The following NKX3-2 variants were observed in gnomAD, a reference collection of about 807,000 sequenced individuals.
NKX3-2 encodes homeobox protein Nkx-3.2.
NKX3-2 carries 13 observed loss-of-function variants against 19.4 expected under a neutral mutation model. The ratio of observed to expected loss-of-function variants is 0.67; its 90% CI spans 0.44 to 1.07. The LOEUF is 1.07. Ranked by LOEUF, NKX3-2 falls within the 50% of genes least tolerant of loss-of-function variation. The pLI is 0.00. For synonymous variants in NKX3-2, 269 were observed against 230.5 expected, an observed-to-expected ratio of 1.17 and a Z score of -1.51; for missense variants, 562 against 488.2, an observed-to-expected ratio of 1.15 and a Z score of -1.42.
At position 13,542,934 on chromosome 4, in the gene NKX3-2, A is replaced by G. The variant is rs1032499803; in HGVS notation, c.467-406T>C. 3.3e-5 allele frequency among the ~76,000 whole-genome samples: 5 copies of G among 151,732 alleles called. No homozygotes were observed. Among genetic ancestry groups the G allele is most frequent in the African/African-American group, 1.2e-4 (5 of 41,346 alleles). On this transcript the variant is annotated intron_variant, in intron 1 of 1. Transcript: ENST00000382438. The surrounding 1 kb of genome is among the most constrained non-coding windows in gnomAD (Gnocchi z 6.4). ...TGCTTGGGTTCACGCGCCTCTCCAC[A>G]CTTAGTTCACACGCACACACGCGCG...
In NKX3-2 at chr4:13,544,138, A is replaced by T. The variant is rs751869344; in HGVS notation, c.277T>A (p.Ser93Thr). The change falls in exon 1 of 2, where the codon TCG becomes ACG. Residue 93 changes from serine to threonine, a missense_variant. Physicochemically the swap from Ser to Thr is moderately conservative, Grantham distance 58. Transcript: ENST00000382438. ...RTAESPEGWDSDSALSEENES... is the reference protein window; with the variant it reads ...RTAESPEGWDTDSALSEENES... ...TTCTCCTCGCTGAGCGCGGAGTCCG[A>T]GTCCCAGCCTTCCGGGCTCTCCGCA... is the stretch of plus-strand genomic sequence containing the variant. 1.2e-6 allele frequency: 2 copies of T among 1,605,528 alleles called. No individual in the cohort carries two copies. Among genetic ancestry groups the T allele is most frequent in the Non-Finnish European group, 1.7e-6 (2 of 1,178,464 alleles).
chr4:13,541,818 G>T lies in NKX3-2; in HGVS notation c.*175C>A. The T allele has an allele frequency of 9.8e-7, 1 of 1,017,732 alleles. No individual in the cohort carries two copies. Among genetic ancestry groups the T allele is most frequent in the Non-Finnish European group, 1.4e-6 (1 of 710,452 alleles). 63.0% of individuals were successfully genotyped at this position (1,017,732 alleles called of 1,614,324 possible). A position where few individuals can be genotyped will look rare whatever the true frequency, so the allele number is the denominator to read the frequency against. On this transcript the variant is annotated 3_prime_UTR_variant, in exon 2 of 2. Coordinates refer to ENST00000382438, the MANE Select transcript of NKX3-2 (RefSeq NM_001189.4). The stretch of plus-strand genomic sequence containing the variant: ...CAAATTAGAAAAAGGCGCCCCCTCA[G>T]GGCAGACTCAGCCCAGCTGCCAGGG...
chr4:13,541,781 G>A lies in NKX3-2; in HGVS notation c.*212C>T, dbSNP rs1717990102. The A allele has an allele frequency of 1.6e-6, 1 of 629,692 alleles. No homozygotes were observed. Among genetic ancestry groups the A allele is most frequent in the African/African-American group, 1.8e-5 (1 of 54,250 alleles). The allele number at this position is 629,692 out of a possible 1,614,324, so 39.0% of individuals were successfully genotyped here. ...GGCGATCAGGGCCCCTAGGCCATAG[G>A]GTGCCTCTGTTCAAATTAGAAAAAG... On this transcript the variant is annotated 3_prime_UTR_variant, in exon 2 of 2. Coordinates refer to ENST00000382438, the MANE Select transcript of NKX3-2 (RefSeq NM_001189.4).
chr4:13,543,818 G>A lies in NKX3-2; in HGVS notation c.466+131C>T. 1 of 842,788 alleles carries A rather than the reference G, an allele frequency of 1.2e-6. No individual in the cohort carries two copies. 52.2% of individuals were successfully genotyped at this position (842,788 alleles called of 1,614,324 possible). ...ATAGAGCAGCTCGCGCCAGAGCGCA[G>A]AACTTCGGGATTTGGCCAGCCTCCG... On this transcript the variant is annotated intron_variant, in intron 1 of 1. Coordinates refer to ENST00000382438, the MANE Select transcript of NKX3-2 (RefSeq NM_001189.4). This position sits in a 1 kb window ranked among gnomAD's most constrained non-coding sequence, Gnocchi z 7.1.
At chr4:13,547,711 C>CGCGGGCG (rs1285659594), upstream of NKX3-2, 1 of 153,546 alleles carries the variant, frequency 6.5e-6, no homozygotes, top group Non-Finnish European at 1.4e-5. Context: ...GTGAGACTTC[C>CGCGGGCG]GCGGGCGGCG....
upstream of NKX3-2, chr4:13,547,299 G>A (rs1418623917): frequency 4.4e-6 from 2 of 451,768 alleles, no homozygotes; most frequent in Non-Finnish European, 4.5e-6. Context: ...GGCGTGCCTG[G>A]GTCCCGCTTC....
upstream of NKX3-2, chr4:13,544,582 T>A: frequency 2.7e-6 from 1 of 364,392 alleles, no homozygotes; most frequent in Non-Finnish European, 4.7e-6. Context: ...CGTCCCAGGA[T>A]CAGCGCCGAC....
At position 13,543,058 on chromosome 4, in the gene NKX3-2, G is replaced by C. The variant is rs918587208; in HGVS notation, c.467-530C>G. ...GAATCTTTCACCCTCAGCCGCCTGG[G>C]ATTGCTGTGAGAGACATGGAAACAG... On this transcript the variant is annotated intron_variant, in intron 1 of 1. Transcript: ENST00000382438. This position sits in a 1 kb window ranked among gnomAD's most constrained non-coding sequence, Gnocchi z 7.1. Among the ~76,000 whole-genome samples the C allele has an allele frequency of 6.6e-6, 1 of 152,090 alleles. No individual in the cohort carries two copies. Among genetic ancestry groups the C allele is most frequent in the Non-Finnish European group, 1.5e-5 (1 of 68,030 alleles).
Position 13,544,120 on chromosome 4 carries a change from C to T in NKX3-2, c.295G>A (p.Glu99Lys), listed in dbSNP as rs1718061894. The change falls in exon 1 of 2, where the codon GAG becomes AAG. Residue 99 changes from glutamate to lysine, a missense_variant. Glu to Lys is a moderately conservative substitution (Grantham distance 56). Coordinates refer to ENST00000382438, the MANE Select transcript of NKX3-2 (RefSeq NM_001189.4). ...CAGCGCCGCCTGCTCTCGTTCTCCT[C>T]GCTGAGCGCGGAGTCCGAGTCCCAG... ...EGWDSDSALS[E>K]ENESRRRCAD... is the part of the protein sequence containing the mutation. The T allele has an allele frequency of 1.2e-6, 2 of 1,602,362 alleles. No individual in the cohort carries two copies. The highest frequency in any genetic ancestry group is 1.7e-6 in the Non-Finnish European group (2 of 1,176,862).
chr4:13,542,348 G>T lies in NKX3-2; in HGVS notation c.647C>A (p.Ala216Glu). 1 of 1,550,044 alleles carries T rather than the reference G, an allele frequency of 6.5e-7. No individual in the cohort carries two copies. Among genetic ancestry groups the T allele is most frequent in the East Asian group, 2.4e-5 (1 of 41,992 alleles). The part of the protein sequence containing the change: ...KKRSRAAFSH[A>E]QVFELERRFN... ...GCGGCGCTCCAGCTCGAAGACCTGC[G>T]CGTGGGAGAAAGCGGCCCGCGAGCG... The change falls in exon 2 of 2, where the codon GCG (alanine) becomes GAG (glutamate). Residue 216 changes from alanine (A) to glutamate (E), a missense_variant. Physicochemically the swap from Ala to Glu is moderately radical, Grantham distance 107 (BLOSUM62 -1). Coordinates refer to ENST00000382438, the MANE Select transcript of NKX3-2 (RefSeq NM_001189.4). This position sits in a 1 kb window ranked among gnomAD's most constrained non-coding sequence, Gnocchi z 6.4.
At chr4:13,547,496 GCCGCGCCCCCT>G (rs1423007597), upstream of NKX3-2, 1 of 237,432 alleles carries the variant, frequency 4.2e-6, no homozygotes, top group South Asian at 4.7e-5. Context: ...TCTCTACCCC[GCCGCGCCCCCT>G]CCGCGCCCAC....
Position 13,541,593 on chromosome 4 carries a change from A to G in NKX3-2, c.*400T>C, listed in dbSNP as rs997735015. On this transcript the variant is annotated 3_prime_UTR_variant, in exon 2 of 2. Transcript: ENST00000382438. ...ACCATGAACTAGTGTGGCCTAGTGC[A>G]GAAAGCTCCCAGCAGGCCTGAAATT... The G allele has an allele frequency of 2.5e-5, 5 of 200,330 alleles. No individual in the cohort carries two copies. The highest frequency in any genetic ancestry group is 1.7e-4 in the Admixed American group (3 of 18,114). 12.4% of individuals were successfully genotyped at this position (200,330 alleles called of 1,614,324 possible).
At chr4:13,546,943 G>C (rs1406939374), upstream of NKX3-2, 1 of 456,170 alleles carries the variant, frequency 2.2e-6, no homozygotes, top group Non-Finnish European at 4.4e-6. Context: ...TGAGAAAGGG[G>C]CTACGTTCCG....
chr4:13,544,602 C>G (rs1486710774), upstream of NKX3-2: 1 of 338,772 alleles, frequency 3.0e-6, no homozygotes, highest in Middle Eastern at 8.3e-4. Context: ...CCCTCGCCCC[C>G]ACCTTAGAGG....
chr4:13,546,658 A>C (rs1424579091), upstream of NKX3-2: 55 of 350,182 alleles, frequency 1.6e-4, no homozygotes, highest in South Asian at 1.2e-3. Context: ...CTGACAAATA[A>C]TGGAGTGAGA....
At chr4:13,545,911 AG>A (rs1718123004), upstream of NKX3-2, among the ~76,000 whole-genome samples, 1 of 152,256 alleles carries the variant, frequency 6.6e-6, no homozygotes, top group South Asian at 2.1e-4. Context: ...ATTATGTAAT[AG>A]TAGGAACCAA....
In NKX3-2 at chr4:13,544,481, A is replaced by G. The variant is rs1398490455; in HGVS notation, c.-67T>C. 4.2e-6 allele frequency: 5 copies of G among 1,199,248 alleles called. No homozygotes were observed. Among genetic ancestry groups the G allele is most frequent in the Non-Finnish European group, 5.3e-6 (5 of 943,232 alleles). 74.3% of individuals were successfully genotyped at this position (1,199,248 alleles called of 1,614,324 possible). A position where few individuals can be genotyped will look rare whatever the true frequency, so the allele number is the denominator to read the frequency against. On this transcript the variant is annotated 5_prime_UTR_variant, in exon 1 of 2. Transcript: ENST00000382438. ...GGCGCCGAGCAGCTCCGAGCGGGAC[A>G]GAGAGCGCCGGCGGCCGCAGCGCGA... is the stretch of plus-strand genomic sequence containing the variant.
chr4:13,543,802 C>G lies in NKX3-2; in HGVS notation c.466+147G>C, dbSNP rs1577284675. 1.4e-6 allele frequency: 1 copy of G among 730,900 alleles called. No individual in the cohort carries two copies. Among genetic ancestry groups the G allele is most frequent in the Non-Finnish European group, 2.1e-6 (1 of 472,898 alleles). The allele number at this position is 730,900 out of a possible 1,614,324, so 45.3% of individuals were successfully genotyped here. Reference sequence around the variant, plus strand: ...CTCAGTTCCCGAAGTGATAGAGCAGCTCGCGCCAGAGCGCAGAACTTCGGG... The same window carrying G: ...CTCAGTTCCCGAAGTGATAGAGCAGGTCGCGCCAGAGCGCAGAACTTCGGG... On this transcript the variant is annotated intron_variant, in intron 1 of 1. Coordinates refer to ENST00000382438, the MANE Select transcript of NKX3-2 (RefSeq NM_001189.4). The surrounding 1 kb of genome is among the most constrained non-coding windows in gnomAD (Gnocchi z 7.1).
Position 13,541,906 on chromosome 4 carries a change from C to G in NKX3-2, c.*87G>C, listed in dbSNP as rs1295096316. 1 of 1,515,140 alleles carries G rather than the reference C, an allele frequency of 6.6e-7. No homozygotes were observed. Among genetic ancestry groups the G allele is most frequent in the Non-Finnish European group, 8.9e-7 (1 of 1,126,848 alleles). 93.9% of individuals were successfully genotyped at this position (1,515,140 alleles called of 1,614,324 possible). ...ACCTCCAGGTGCCTCCTTGGCGGGGCGCCCCGTGCAGGCTACAGCCTACAG... is the reference window on the plus strand; with the variant it reads ...ACCTCCAGGTGCCTCCTTGGCGGGGGGCCCCGTGCAGGCTACAGCCTACAG... On this transcript the variant is annotated 3_prime_UTR_variant, in exon 2 of 2. Transcript: ENST00000382438.
Sources: gnomAD v4.1 joint callset for allele counts (sites outside exome capture counted in the v4.1 genomes callset) on GRCh38, gnomAD v4.1.1 for gene constraint, Gnocchi (gnomAD v3.1) non-coding constraint, MANE v1.5 for transcripts, NCBI Gene and HGNC (gene_info 2026-07-23, HGNC 2026-07-21) for gene names.